Variants in TRIQK observed in about 807,000 individuals in gnomAD.
TRIQK encodes triple QxxK/R motif-containing protein.
Under a neutral mutation model 10.8 loss-of-function variants are expected in TRIQK, and 10 were observed. That is an observed-to-expected ratio of 0.92 (90% CI 0.57 to 1.57). TRIQK has a LOEUF of 1.57. Ranked by LOEUF, TRIQK falls within the 40% of genes most tolerant of loss-of-function variation. TRIQK has a pLI of 0.00. For synonymous variants in TRIQK, 33 were observed against 33.7 expected (o/e 0.98, Z 0.07); for missense variants, 107 against 97.7 (o/e 1.09, Z -0.40).
chr8:92,942,857 G>A (rs1347387085), intron 2 of TRIQK, among the ~76,000 whole-genome samples: 1 of 151,966 alleles, frequency 6.6e-6, no homozygotes, highest in African/African-American at 2.4e-5. Flanking sequence ...ACCACGCCTG[G>A]CTAATTTTTT....
At chr8:93,008,953 G>T (rs1813301532) in intron 1 of TRIQK, among the ~76,000 whole-genome samples, 1 of 152,062 alleles carries the variant, frequency 6.6e-6, no homozygotes, top group East Asian at 1.9e-4. Flanking sequence ...GGCAACAAAA[G>T]CAAAAATAGA....
intron 1 of TRIQK, among the ~76,000 whole-genome samples, chr8:92,979,097 C>G (rs1812960379): frequency 6.6e-6 from 1 of 152,012 alleles, no homozygotes; most frequent in Non-Finnish European, 1.5e-5. Context: ...CTGGGACACC[C>G]TAAATGCTGG....
At chr8:93,002,500 C>T (rs1035246607) in intron 1 of TRIQK, among the ~76,000 whole-genome samples, 1 of 151,948 alleles carries the variant, frequency 6.6e-6, no homozygotes, top group Non-Finnish European at 1.5e-5. Context: ...AAATAGATAA[C>T]CTCGCAAAAA....
chr8:92,885,861 G>A lies in TRIQK; in HGVS notation c.*761C>T, dbSNP rs886753891. 6.6e-6 allele frequency: 1 copy of A among 151,626 alleles called. No homozygotes were observed. The highest frequency in any genetic ancestry group is 1.5e-5 in the Non-Finnish European group (1 of 67,758). 9.4% of individuals were successfully genotyped at this position (151,626 alleles called of 1,614,324 possible). On this transcript the variant is annotated 3_prime_UTR_variant, in exon 5 of 5. Transcript: ENST00000521988. Reference sequence around the variant, plus strand: ...GTTACATATCTCCCTAACAAGAGGGGCGAACTGATACTACAAGCAGCCAGA... The same window carrying A: ...GTTACATATCTCCCTAACAAGAGGGACGAACTGATACTACAAGCAGCCAGA...
At chr8:93,005,762 G>T (rs1463017951) in intron 1 of TRIQK, among the ~76,000 whole-genome samples, 1 of 152,018 alleles carries the variant, frequency 6.6e-6, no homozygotes, top group African/African-American at 2.4e-5. Context: ...AATAGAAGTG[G>T]TTTTTCACAC....
In TRIQK at chr8:92,884,764, T is replaced by C; in HGVS notation, c.*1858A>G. The C allele has an allele frequency of 2.3e-6, 1 of 438,398 alleles. No individual in the cohort carries two copies. The highest frequency in any genetic ancestry group is 4.6e-6 in the Non-Finnish European group (1 of 216,752). 27.2% of individuals were successfully genotyped at this position (438,398 alleles called of 1,614,324 possible). A position where few individuals can be genotyped will look rare whatever the true frequency, so the allele number is the denominator to read the frequency against. ...AATTACCACTGAAAACTAGAAATAATCTTTATTTAATACGACTGTTTTAAC... is the reference window on the plus strand; with the variant it reads ...AATTACCACTGAAAACTAGAAATAACCTTTATTTAATACGACTGTTTTAAC... On this transcript the variant is annotated 3_prime_UTR_variant, in exon 5 of 5. Coordinates refer to ENST00000521988, the MANE Select transcript of TRIQK (RefSeq NM_001171797.2).
At chr8:92,934,600 T>C (rs1418933944) in intron 2 of TRIQK, among the ~76,000 whole-genome samples, 2 of 151,890 alleles carry the variant, frequency 1.3e-5, no homozygotes, top group Non-Finnish European at 3.0e-5. Flanking sequence ...ATGTCAAAAG[T>C]ATAAAAACAA....
At chr8:92,895,156 G>A (rs1227449574) in intron 3 of TRIQK, among the ~76,000 whole-genome samples, 1 of 152,202 alleles carries the variant, frequency 6.6e-6, no homozygotes, top group Non-Finnish European at 1.5e-5. Context: ...TCTTGTGCAT[G>A]CTCTTTGGCC....
intron 1 of TRIQK, among the ~76,000 whole-genome samples, chr8:92,964,502 A>G (rs1393577931): frequency 6.7e-6 from 1 of 149,100 alleles, no homozygotes; most frequent in Admixed American, 6.7e-5. Flanking sequence ...TAAAGAGGAA[A>G]AGGTGTCATT....
Position 92,892,060 on chromosome 8 carries a change from T to A in TRIQK, c.76A>T (p.Lys26Ter). The A allele has an allele frequency of 2.0e-6, 3 of 1,528,840 alleles. No individual in the cohort carries two copies. Among genetic ancestry groups the A allele is most frequent in the Non-Finnish European group, 2.6e-6 (3 of 1,140,334 alleles). The allele number at this position is 1,528,840 out of a possible 1,614,324, so 94.7% of individuals were successfully genotyped here. The change falls in exon 4 of 5, where the codon AAA becomes TAA. Residue 26 changes from lysine (K) to a stop codon, truncating the protein, a stop_gained. Transcript: ENST00000521988. LOFTEE classifies it high-confidence loss of function. ...GCTCGTAAAATAGGTTTAGTTTTTTTATAATCCTGTTTACCTAGAAAGAAA... is the reference window on the plus strand; with the variant it reads ...GCTCGTAAAATAGGTTTAGTTTTTTAATAATCCTGTTTACCTAGAAAGAAA... ...YRKQIGKQDY[K>*]KTKPILRATK...
chr8:92,948,335 CAG>C (rs1248534735), intron 2 of TRIQK, among the ~76,000 whole-genome samples: 1 of 152,140 alleles, frequency 6.6e-6, no homozygotes, highest in Non-Finnish European at 1.5e-5. Context: ...AGGAAGGAGA[CAG>C]AGAAATTTCG....
At chr8:92,890,119 C>G (rs1189970223) in intron 4 of TRIQK, among the ~76,000 whole-genome samples, 1 of 151,624 alleles carries the variant, frequency 6.6e-6, no homozygotes, top group Non-Finnish European at 1.5e-5. Context: ...CATTAAATGG[C>G]AATTGCTGAA....
intron 2 of TRIQK, among the ~76,000 whole-genome samples, chr8:92,934,045 G>C (rs556755712): frequency 6.6e-6 from 1 of 151,966 alleles, no homozygotes; most frequent in Non-Finnish European, 1.5e-5. Context: ...AAGTGTGAAA[G>C]AAATAAAAAC....
chr8:92,943,775 T>C (rs2130622094), intron 2 of TRIQK, among the ~76,000 whole-genome samples: 1 of 152,256 alleles, frequency 6.6e-6, no homozygotes, highest in East Asian at 1.9e-4. Context: ...ACACATTGGA[T>C]TGAGCAAGGA....
chr8:92,964,987 C>A (rs918916929), intron 1 of TRIQK: 10 of 152,132 alleles, frequency 6.6e-5, no homozygotes, highest in African/African-American at 2.4e-4. Flanking sequence ...ATTTTTACCT[C>A]TTTTGTTTTT....
At chr8:92,929,945 C>T (rs1810626519) in intron 2 of TRIQK, among the ~76,000 whole-genome samples, 1 of 151,988 alleles carries the variant, frequency 6.6e-6, no homozygotes, top group African/African-American at 2.4e-5. Context: ...GCATAAATTA[C>T]ACTATCCTTT....
chr8:92,938,268 T>C (rs2130592488), intron 2 of TRIQK, among the ~76,000 whole-genome samples: 1 of 152,062 alleles, frequency 6.6e-6, no homozygotes, highest in South Asian at 2.1e-4. Flanking sequence ...AATTTTTAAT[T>C]GAGATATATA....
chr8:93,011,327 G>C (rs1393162296), intron 1 of TRIQK, among the ~76,000 whole-genome samples: 3 of 151,892 alleles, frequency 2.0e-5, no homozygotes, highest in Non-Finnish European at 4.4e-5. Flanking sequence ...GATTATTTCT[G>C]TGGAAATCAT....
chr8:92,890,154 A>G (rs918906194), intron 4 of TRIQK, among the ~76,000 whole-genome samples: 5 of 151,774 alleles, frequency 3.3e-5, no homozygotes, highest in Non-Finnish European at 7.4e-5. Context: ...TTAAAATCCT[A>G]TGCCAAAATG....
Sources: allele counts gnomAD v4.1 joint callset (sites outside exome capture counted in the v4.1 genomes callset), GRCh38; gene constraint gnomAD v4.1.1; transcripts MANE v1.5; gene names NCBI Gene and HGNC (gene_info 2026-07-23, HGNC 2026-07-21).